CDH23: variants seen among roughly 807,000 people sequenced by gnomAD.
CDH23 encodes the protein cadherin related 23.
A neutral mutation model predicts 317.1 loss-of-function variants in CDH23; 189 were observed. The observed-to-expected ratio is 0.60, with a 90% CI of 0.53 to 0.67. The LOEUF (loss-of-function observed/expected upper bound fraction) is 0.67, where lower values mean the gene tolerates loss of function less well. Among genes scored for constraint, CDH23 ranks in the 30% least tolerant of loss-of-function variants. CDH23 has a pLI of 0.00. For missense variants in CDH23, 4,401 were observed against 4,592.4 expected, an observed-to-expected ratio of 0.96 and a Z score of 1.20; for synonymous variants, 1,839 against 1,876.8, an observed-to-expected ratio of 0.98 and a Z score of 0.52.
chr10:71,462,324 T>C (rs1276103370), intron 3 of CDH23, among the ~76,000 whole-genome samples: 1 of 152,198 alleles, frequency 6.6e-6, no homozygotes, highest in Non-Finnish European at 1.5e-5. Context: ...TTACAGTCAA[T>C]TAAGGAGAAA....
At chr10:71,789,199 C>T (rs1050091231) in intron 45 of CDH23, among the ~76,000 whole-genome samples, 157 bp downstream of exon 45, 1 of 152,174 alleles carries the variant, frequency 6.6e-6, no homozygotes, top group Non-Finnish European at 1.5e-5. Context: ...AGATGGTGGG[C>T]TGGGGCTCCC....
At chr10:71,737,142 T>C (rs145381164) in intron 34 of CDH23, among the ~76,000 whole-genome samples, 5 of 152,220 alleles carry the variant, frequency 3.3e-5, no homozygotes, top group Admixed American at 1.3e-4. Context: ...CCATTTCAAA[T>C]GGGCGGACTG....
intron 38 of CDH23, chr10:71,749,910 T>A (rs902703463): frequency 7.2e-5 from 11 of 151,920 alleles, no homozygotes; most frequent in African/African-American, 2.7e-4. Flanking sequence ...TGTAGGCTGC[T>A]AGGAGACAAA....
Position 71,788,971 on chromosome 10 carries a change from A to T in CDH23, c.5852A>T (p.Asp1951Val), listed in dbSNP as rs1299758893. 6.2e-7 allele frequency: 1 copy of T among 1,600,042 alleles called. No individual in the cohort carries two copies. The highest frequency in any genetic ancestry group is 8.6e-7 in the Non-Finnish European group (1 of 1,167,428). ...GACTTGCTTCTGATCTTCCTTTCTGATGAGAATGACAACCACCCCCTCTTC... is the reference window on the plus strand; with the variant it reads ...GACTTGCTTCTGATCTTCCTTTCTGTTGAGAATGACAACCACCCCCTCTTC... The part of the protein sequence containing the change: ...DYDLLLIFLS[D>V]ENDNHPLFTK... Residue 1951 changes from aspartate (D) to valine (V), a missense_variant, in exon 45 of 70, where the codon GAT (aspartate) becomes GTT (valine). Physicochemically the swap from Asp to Val is radical, Grantham distance 152. This residue lies in a region of CDH23 where 3,068 missense variants were observed against 3,203.3 expected (regional missense o/e 0.96). Coordinates refer to ENST00000224721, the MANE Select transcript of CDH23 (RefSeq NM_022124.6).
At chr10:71,646,363 C>A in intron 13 of CDH23, 96 bp from the exon 14 acceptor site, 1 of 1,552,128 alleles carries the variant, frequency 6.4e-7, no homozygotes, top group Admixed American at 1.8e-5. Flanking sequence ...GTGCTCTGGG[C>A]TGGGGCCGGC....
chr10:71,742,804 G>A (rs1055965252), intron 38 of CDH23, among the ~76,000 whole-genome samples: 4 of 152,232 alleles, frequency 2.6e-5, no homozygotes, highest in African/African-American at 9.6e-5. Flanking sequence ...AAACAAAACA[G>A]AGGAGTAAAA....
At chr10:71,630,484 T>C (rs1016541926) in intron 11 of CDH23, among the ~76,000 whole-genome samples, 2 of 151,998 alleles carry the variant, frequency 1.3e-5, no homozygotes, top group African/African-American at 4.8e-5. Flanking sequence ...GGAGAGTCAA[T>C]GGGATTTGCC....
At chr10:71,761,184 A>T (rs1440868643) in intron 38 of CDH23, among the ~76,000 whole-genome samples, 1 of 151,972 alleles carries the variant, frequency 6.6e-6, no homozygotes, top group Non-Finnish European at 1.5e-5. Flanking sequence ...GGGCCCTTGC[A>T]CTCTCACCTG....
chr10:71,617,144 A>G, intron 10 of CDH23, 61 bp from the exon 11 acceptor site: 1 of 1,544,924 alleles, frequency 6.5e-7, no homozygotes, highest in Non-Finnish European at 8.8e-7. Context: ...GTCTTTGGTA[A>G]GCAAGAGCTG....
intron 1 of CDH23, among the ~76,000 whole-genome samples, chr10:71,428,536 T>G (rs1849219885): frequency 6.6e-6 from 1 of 152,004 alleles, no homozygotes; most frequent in East Asian, 1.9e-4. Context: ...AGCTCCCTAA[T>G]GGTAGTGATG....
At chr10:71,580,327 C>A (rs534102626) in intron 9 of CDH23, among the ~76,000 whole-genome samples, 1 of 152,352 alleles carries the variant, frequency 6.6e-6, no homozygotes, top group South Asian at 2.1e-4. Context: ...CAAGTACAAA[C>A]AACAGGGTGA....
chr10:71,808,942 A>T (rs1293057805), intron 60 of CDH23, among the ~76,000 whole-genome samples: 1 of 152,032 alleles, frequency 6.6e-6, no homozygotes, highest in African/African-American at 2.4e-5. Flanking sequence ...GGTCTAGTTC[A>T]TGTGCCACCT....
At chr10:71,547,748 T>G (rs868229758) in intron 6 of CDH23, among the ~76,000 whole-genome samples, 1 of 152,280 alleles carries the variant, frequency 6.6e-6, no homozygotes, top group Non-Finnish European at 1.5e-5. Context: ...GGGAATGTAT[T>G]GACATTCATG....
intron 41 of CDH23, 45 bp from the exon 42 acceptor site, chr10:71,784,242 C>T (rs2132937921): frequency 6.3e-7 from 1 of 1,592,828 alleles, no homozygotes; most frequent in South Asian, 1.1e-5. Flanking sequence ...CTCCACAGTT[C>T]CTGCCAATGC....
chr10:71,590,903 A>AAAAAAAC (rs1859449870), intron 9 of CDH23, among the ~76,000 whole-genome samples: 1 of 149,182 alleles, frequency 6.7e-6, no homozygotes, highest in African/African-American at 2.5e-5. Flanking sequence ...AAAACAAAAA[A>AAAAAAAC]AAACACCAGT....
chr10:71,447,905 A>C (rs12778279), intron 3 of CDH23, among the ~76,000 whole-genome samples: 1 of 152,056 alleles, frequency 6.6e-6, no homozygotes, highest in Admixed American at 6.5e-5. Flanking sequence ...CCAACATAGC[A>C]GCACACAGTG....
Position 71,778,249 on chromosome 10 carries a change from A to G in CDH23, c.5128A>G (p.Ile1710Val). ...GATCAGCCACGGCCGCTACACCCTG[A>G]TCGTCACTGCCACAGACCAGTGCCC... ...YEISHGRYTL[I>V]VTATDQCPIL... The change falls in exon 40 of 70, where the codon ATC (isoleucine) becomes GTC (valine). Residue 1710 changes from isoleucine (I) to valine (V), a missense_variant. Transcript: ENST00000224721. The G allele has an allele frequency of 1.2e-6, 2 of 1,613,842 alleles. No homozygotes were observed. Among genetic ancestry groups the G allele is most frequent in the Middle Eastern group, 1.6e-4 (1 of 6,062 alleles).
intron 11 of CDH23, among the ~76,000 whole-genome samples, chr10:71,636,193 A>G (rs1392661982): frequency 6.6e-6 from 1 of 152,016 alleles, no homozygotes; most frequent in Non-Finnish European, 1.5e-5. Context: ...AATGGGAGAG[A>G]GAGTTTGGGC....
At chr10:71,619,804 A>C (rs1418944026) in intron 11 of CDH23, among the ~76,000 whole-genome samples, 1 of 152,164 alleles carries the variant, frequency 6.6e-6, no homozygotes, top group East Asian at 1.9e-4. Context: ...TTGATCTTGG[A>C]GGCAACCCAG....
Sources: allele counts gnomAD v4.1 joint callset (sites outside exome capture counted in the v4.1 genomes callset), GRCh38; gene constraint gnomAD v4.1.1; regional missense constraint gnomAD v4.1.1; transcripts MANE v1.5; gene names NCBI Gene and HGNC (gene_info 2026-07-23, HGNC 2026-07-21).